Variants in PTPRG observed in about 807,000 individuals in gnomAD.
The protein encoded by PTPRG is protein tyrosine phosphatase receptor type G, also known as receptor-type tyrosine-protein phosphatase gamma.
In PTPRG, 102 loss-of-function variants were observed where a neutral mutation model predicts 165.3. The observed-to-expected ratio is 0.62, with a 90% CI of 0.53 to 0.73. The LOEUF (loss-of-function observed/expected upper bound fraction) is 0.73, where lower values mean the gene tolerates loss of function less well. Among genes scored for constraint, PTPRG ranks in the 30% least tolerant of loss-of-function variants. PTPRG has a pLI of 0.00. For synonymous variants in PTPRG, 675 were observed against 669.5 expected (o/e 1.01, Z -0.13); for missense variants, 1,866 against 1,861.4 (o/e 1.00, Z -0.05).
intron 1 of PTPRG, among the ~76,000 whole-genome samples, chr3:61,687,977 G>C (rs1241269530): frequency 6.6e-6 from 1 of 152,220 alleles, no homozygotes; most frequent in Non-Finnish European, 1.5e-5. Context: ...CGCGTACCCA[G>C]CTTTTCCAAG....
rs17065698 is a variant in PTPRG at position 62,022,133 on chromosome 3, G to A, written c.519+18636G>A. Reference sequence around the variant, plus strand: ...CAAGGCTGCTGTACGTGACTATTCCGCCAGAATCCTATGGGCGGGTACCAT... The same window carrying A: ...CAAGGCTGCTGTACGTGACTATTCCACCAGAATCCTATGGGCGGGTACCAT... On this transcript the variant is annotated intron_variant, in intron 4 of 29. Coordinates refer to ENST00000474889, the MANE Select transcript of PTPRG (RefSeq NM_002841.4). Among the ~76,000 whole-genome samples, 132 of 152,168 alleles carry A rather than the reference G, an allele frequency of 8.7e-4. 2 individuals carry two copies. The highest frequency in any genetic ancestry group is 6.8e-3 in the Middle Eastern group (2 of 294).
intron 13 of PTPRG, among the ~76,000 whole-genome samples, chr3:62,230,550 G>A (rs1322618706): frequency 6.6e-6 from 1 of 152,204 alleles, no homozygotes; most frequent in Non-Finnish European, 1.5e-5. Context: ...TTGTGTGACA[G>A]AAGTGCATCT....
intron 5 of PTPRG, among the ~76,000 whole-genome samples, chr3:62,083,835 C>T (rs1250023491): frequency 6.6e-6 from 1 of 152,164 alleles, no homozygotes; most frequent in Non-Finnish European, 1.5e-5. Context: ...AACCATGCAA[C>T]CTTCTTAATG....
chr3:62,272,726 T>C (rs1362364961), intron 21 of PTPRG, among the ~76,000 whole-genome samples: 1 of 152,090 alleles, frequency 6.6e-6, no homozygotes, highest in Non-Finnish European at 1.5e-5. Context: ...TAATCCCAGC[T>C]ACTCGGTAGG....
At chr3:61,588,197 G>A (rs1005243801) in intron 1 of PTPRG, among the ~76,000 whole-genome samples, 13 of 151,970 alleles carry the variant, frequency 8.6e-5, no homozygotes, top group South Asian at 2.1e-4. Context: ...ACAGTTATGC[G>A]TCCTGTTTCT....
chr3:61,671,506 C>T (rs897583857), intron 1 of PTPRG, among the ~76,000 whole-genome samples: 1 of 149,782 alleles, frequency 6.7e-6, no homozygotes, highest in African/African-American at 2.4e-5. Context: ...TTTCTTAGTA[C>T]AGAACAAAAT....
chr3:61,996,643 A>C (rs981770859), intron 3 of PTPRG, among the ~76,000 whole-genome samples: 2 of 152,250 alleles, frequency 1.3e-5, no homozygotes, highest in African/African-American at 4.8e-5. Context: ...AGGTTGCCCA[A>C]AGAAAGAAAA....
chr3:61,991,663 A>G (rs1466925558), intron 3 of PTPRG, among the ~76,000 whole-genome samples: 1 of 152,198 alleles, frequency 6.6e-6, no homozygotes, highest in African/African-American at 2.4e-5. Flanking sequence ...CATACCATCT[A>G]AATGTAGTGG....
chr3:61,718,540 G>C (rs574810391), intron 1 of PTPRG, among the ~76,000 whole-genome samples: 1 of 152,296 alleles, frequency 6.6e-6, no homozygotes, highest in South Asian at 2.1e-4. Context: ...TTTTATATTA[G>C]TTATGGGAGT....
chr3:61,623,199 G>C (rs771589468), intron 1 of PTPRG, among the ~76,000 whole-genome samples: 14 of 152,146 alleles, frequency 9.2e-5, no homozygotes, highest in Non-Finnish European at 1.9e-4. Flanking sequence ...CCTTGGAAGG[G>C]GCAGGAATCA....
intron 1 of PTPRG, among the ~76,000 whole-genome samples, chr3:61,717,954 T>TGGATCACTTGAGGTCAGGA (rs2031877836): frequency 1.3e-5 from 2 of 151,714 alleles, no homozygotes; most frequent in African/African-American, 4.8e-5. Flanking sequence ...CCAAGGTGGG[T>TGGATCACTTGAGGTCAGGA]GGATCACTTG....
At chr3:61,648,662 A>G (rs913155990) in intron 1 of PTPRG, among the ~76,000 whole-genome samples, 5 of 151,954 alleles carry the variant, frequency 3.3e-5, no homozygotes, top group African/African-American at 1.2e-4. Flanking sequence ...CAGAACACAC[A>G]CTCATTTGGC....
At chr3:62,215,186 A>G (rs1258370225) in intron 12 of PTPRG, among the ~76,000 whole-genome samples, 1 of 152,186 alleles carries the variant, frequency 6.6e-6, no homozygotes, top group Admixed American at 6.5e-5. Context: ...GGCTATGAGG[A>G]GCTACTTAGG....
Position 61,855,500 on chromosome 3 carries a change from T to TGGAG in PTPRG, c.190+106518_190+106519insGGAG, listed in dbSNP as rs1366165536. Among the ~76,000 whole-genome samples, 522 of 152,202 alleles carry TGGAG rather than the reference T, an allele frequency of 3.4e-3. 6 individuals are homozygous for TGGAG. The highest frequency in any genetic ancestry group is 0.012 in the African/African-American group (487 of 41,528). ...TGGTTGCTTGGAGTCTTCTAAAATT[T>TGGAG]TACTTTCTATATTTTGGTCTTCCAT... On this transcript the variant is annotated intron_variant, in intron 2 of 29. Coordinates refer to ENST00000474889, the MANE Select transcript of PTPRG (RefSeq NM_002841.4).
chr3:61,753,521 A>G (rs918885149), intron 2 of PTPRG: 4 of 427,138 alleles, frequency 9.4e-6, no homozygotes, highest in South Asian at 3.5e-5. Flanking sequence ...CAGGTCATCA[A>G]TGCAGGAAAG....
intron 2 of PTPRG, among the ~76,000 whole-genome samples, chr3:61,886,193 A>G (rs901714096): frequency 6.6e-6 from 1 of 152,158 alleles, no homozygotes; most frequent in Non-Finnish European, 1.5e-5. Flanking sequence ...AAATCAGAAG[A>G]ACTGTCTTCC....
At chr3:61,936,207 T>A (rs989595090) in intron 2 of PTPRG, among the ~76,000 whole-genome samples, 4 of 152,218 alleles carry the variant, frequency 2.6e-5, no homozygotes, top group Admixed American at 1.3e-4. Flanking sequence ...GAAATAGATT[T>A]CTGTTCTTTA....
chr3:62,041,162 A>G (rs17065729), intron 4 of PTPRG, among the ~76,000 whole-genome samples: 106 of 152,162 alleles, frequency 7.0e-4, no homozygotes, highest in Non-Finnish European at 1.4e-3. Context: ...CGGCACTTAC[A>G]ATATATTCAG....
intron 1 of PTPRG, among the ~76,000 whole-genome samples, chr3:61,644,388 C>T (rs1017866703): frequency 8.5e-5 from 13 of 152,124 alleles, no homozygotes; most frequent in African/African-American, 2.9e-4. Flanking sequence ...TGTTTCATCT[C>T]TCGGGAGATG....
Sources: gnomAD v4.1 joint callset for allele counts (sites outside exome capture counted in the v4.1 genomes callset) on GRCh38, gnomAD v4.1.1 for gene constraint, MANE v1.5 for transcripts, NCBI Gene and HGNC (gene_info 2026-07-23, HGNC 2026-07-21) for gene names.